Variants in DHCR24 observed in about 807,000 individuals in gnomAD.
DHCR24 encodes delta(24)-sterol reductase.
In DHCR24, 28 loss-of-function variants were observed where a neutral mutation model predicts 61.2. That is an observed-to-expected ratio of 0.46 (90% CI 0.34 to 0.63). The LOEUF (loss-of-function observed/expected upper bound fraction) is 0.63. Ranked by LOEUF, DHCR24 falls within the 20% of genes least tolerant of loss-of-function variation. The pLI is 0.01. For synonymous variants in DHCR24, 261 were observed against 275.9 expected, an observed-to-expected ratio of 0.95 and a Z score of 0.54; for missense variants, 538 against 679.1, an observed-to-expected ratio of 0.79 and a Z score of 2.31.
At chr1:54,872,769 C>T (rs1435213928) in intron 4 of DHCR24, among the ~76,000 whole-genome samples, 5 of 152,068 alleles carry the variant, frequency 3.3e-5, no homozygotes, top group Admixed American at 1.3e-4. Context: ...CTTTCTCTGC[C>T]GATAATAAAT....
At position 54,852,117 on chromosome 1, in the gene DHCR24, G is replaced by T; in HGVS notation, c.*116C>A. The T allele has an allele frequency of 7.9e-7, 1 of 1,267,600 alleles. No homozygotes were observed. The highest frequency in any genetic ancestry group is 2.5e-5 in the East Asian group (1 of 40,484). 78.5% of individuals were successfully genotyped at this position (1,267,600 alleles called of 1,614,324 possible). On this transcript the variant is annotated 3_prime_UTR_variant, in exon 9 of 9. Coordinates refer to ENST00000371269, the MANE Select transcript of DHCR24 (RefSeq NM_014762.4). ...GAAGGTGGTGTTGGGCTGTCAGGGT[G>T]GGAGTTCTGGAGGGGTTTCTCTTTG...
intron 6 of DHCR24, among the ~76,000 whole-genome samples, chr1:54,859,899 C>T (rs1037141853): frequency 6.6e-6 from 1 of 152,260 alleles, no homozygotes; most frequent in African/African-American, 2.4e-5. Flanking sequence ...CAAAACCACA[C>T]TCCACAACCT....
intron 5 of DHCR24, among the ~76,000 whole-genome samples, chr1:54,866,740 C>A (rs911070071): frequency 1.3e-5 from 2 of 152,192 alleles, no homozygotes; most frequent in Non-Finnish European, 2.9e-5. Context: ...GTGTGCCACC[C>A]GCTTGTGCAG....
intron 6 of DHCR24, among the ~76,000 whole-genome samples, chr1:54,855,878 G>T (rs2278192): frequency 6.6e-6 from 1 of 151,996 alleles, no homozygotes; most frequent in African/African-American, 2.4e-5. Flanking sequence ...GCCTCCCTGC[G>T]CATTCCTGAC....
At chr1:54,857,958 G>A (rs1646916796) in intron 6 of DHCR24, among the ~76,000 whole-genome samples, 1 of 152,190 alleles carries the variant, frequency 6.6e-6, no homozygotes, top group Non-Finnish European at 1.5e-5. Context: ...CGCAGGCCTG[G>A]TCACACTTGG....
rs77167838 is a variant in DHCR24, at chr1:54,884,271, T to C, written c.232-498A>G. ...TGGTAAATGGCAGAGCTGAGATTCA[T>C]AGCCAGGACTGTTTGACTTCAGGAC... On this transcript the variant is annotated intron_variant, in intron 1 of 8. Transcript: ENST00000371269. Among the ~76,000 whole-genome samples the C allele has an allele frequency of 8.7e-3, 1,320 of 152,328 alleles. 15 individuals are homozygous for C. Among genetic ancestry groups the C allele is most frequent in the African/African-American group, 0.029 (1,223 of 41,578 alleles).
chr1:54,880,900 G>C (rs1260751074), intron 2 of DHCR24, among the ~76,000 whole-genome samples: 1 of 152,194 alleles, frequency 6.6e-6, no homozygotes, highest in Non-Finnish European at 1.5e-5. Flanking sequence ...TGTAATTCTA[G>C]CACTTTGGGA....
intron 6 of DHCR24, among the ~76,000 whole-genome samples, chr1:54,857,537 T>C (rs1328329205): frequency 6.6e-6 from 1 of 152,248 alleles, no homozygotes; most frequent in African/African-American, 2.4e-5. Flanking sequence ...AAAGGTAGTG[T>C]TGGTAGAATG....
chr1:54,852,336 T>G lies in DHCR24; in HGVS notation c.1448A>C (p.Glu483Ala). Reference sequence around the variant, plus strand: ...GTGGTACAAGGAGCCATCAAACATCTCCCAGAACTCCTCCCGGTTCATGTA... The same window carrying G: ...GTGGTACAAGGAGCCATCAAACATCGCCCAGAACTCCTCCCGGTTCATGTA... ...DCYMNREEFW[E>A]MFDGSLYHKL... is the part of the protein sequence containing the mutation. The change falls in exon 9 of 9, where the codon GAG (glutamate) becomes GCG (alanine). Residue 483 changes from glutamate (E) to alanine (A), a missense_variant. Physicochemically the swap from Glu to Ala is moderately radical, Grantham distance 107. Coordinates refer to ENST00000371269, the MANE Select transcript of DHCR24 (RefSeq NM_014762.4). The G allele has an allele frequency of 1.2e-6, 2 of 1,614,058 alleles. No homozygotes were observed. The highest frequency in any genetic ancestry group is 1.7e-6 in the Non-Finnish European group (2 of 1,180,022).
intron 2 of DHCR24, among the ~76,000 whole-genome samples, chr1:54,881,200 C>T (rs1348733806): frequency 1.3e-5 from 2 of 152,128 alleles, no homozygotes; most frequent in Non-Finnish European, 2.9e-5. Context: ...AAGCCACAGA[C>T]TGTGAGAAAA....
chr1:54,853,348 T>A lies in DHCR24; in HGVS notation c.1397+86A>T, dbSNP rs1043815809. On this transcript the variant is annotated intron_variant, in intron 8 of 8. Transcript: ENST00000371269. ...CAGTTGATAGGCTTGGGGCTCCTGG[T>A]TCTCCATAGAGCTGGCCTCATTCCC... is the stretch of plus-strand genomic sequence containing the variant. 4 of 1,554,724 alleles carry A rather than the reference T, an allele frequency of 2.6e-6. No individual in the cohort carries two copies. The Admixed American group carries it at 7.0e-5, about 27-fold the overall frequency.
At position 54,864,836 on chromosome 1, in the gene DHCR24, T is replaced by A. The variant is rs555398623; in HGVS notation, c.1020+467A>T. Among the ~76,000 whole-genome samples the A allele has an allele frequency of 2.0e-5, 3 of 152,184 alleles. No individual in the cohort carries two copies. The East Asian group carries it at 5.8e-4, about 29-fold the overall frequency. On this transcript the variant is annotated intron_variant, in intron 6 of 8. Transcript: ENST00000371269. ...GGGTTCTTCCTGACCTTCCCCCACT[T>A]AAAGTGTCACTGCTCCTCATCCACC...
chr1:54,868,280 C>A (rs1646978442), intron 5 of DHCR24, among the ~76,000 whole-genome samples: 1 of 152,058 alleles, frequency 6.6e-6, no homozygotes, highest in Non-Finnish European at 1.5e-5. Context: ...ACAATCCTGG[C>A]TAACACAGTG....
At chr1:54,872,412 T>C (rs923388603) in intron 4 of DHCR24, among the ~76,000 whole-genome samples, 38 of 152,124 alleles carry the variant, frequency 2.5e-4, no homozygotes, top group African/African-American at 8.9e-4. Context: ...AGTCCAGCCA[T>C]GTCTTGCCTT....
chr1:54,879,333 A>AGG (rs1486366145), intron 2 of DHCR24, among the ~76,000 whole-genome samples: 1 of 80,112 alleles, frequency 1.2e-5, no homozygotes, highest in Non-Finnish European at 2.6e-5. Context: ...AAAAAAAAAA[A>AGG]AAAAAAAAAA....
chr1:54,875,699 A>G (rs1032425184), intron 3 of DHCR24, among the ~76,000 whole-genome samples: 1 of 152,188 alleles, frequency 6.6e-6, no homozygotes, highest in Non-Finnish European at 1.5e-5. Flanking sequence ...CAATGGGAAC[A>G]AGTCACAGGG....
chr1:54,865,688 C>G (rs57882605), intron 5 of DHCR24, among the ~76,000 whole-genome samples: 26 of 152,228 alleles, frequency 1.7e-4, no homozygotes, highest in African/African-American at 6.3e-4. Flanking sequence ...AGTGAGTCCC[C>G]GACAGTCTAG....
chr1:54,880,481 T>C (rs572979892), intron 2 of DHCR24, among the ~76,000 whole-genome samples: 88 of 152,228 alleles, frequency 5.8e-4, no homozygotes, highest in African/African-American at 1.6e-3. Flanking sequence ...AAATGCAAAG[T>C]AGGCCAAGCG....
At chr1:54,879,420 T>C (rs925519506) in intron 2 of DHCR24, among the ~76,000 whole-genome samples, 2 of 145,952 alleles carry the variant, frequency 1.4e-5, no homozygotes, top group African/African-American at 5.1e-5. Flanking sequence ...ATGGCACTAA[T>C]AGCAAATTAG....
Sources: allele counts gnomAD v4.1 joint callset (sites outside exome capture counted in the v4.1 genomes callset), GRCh38; gene constraint gnomAD v4.1.1; transcripts MANE v1.5; gene names NCBI Gene and HGNC (gene_info 2026-07-23, HGNC 2026-07-21).